Variants in TPR observed in about 807,000 individuals in gnomAD.
TPR encodes nucleoprotein TPR.
TPR carries 51 observed loss-of-function variants against 316.1 expected under a neutral mutation model. That is an observed-to-expected ratio of 0.16 (90% CI 0.13 to 0.20). The LOEUF is 0.20. Among genes scored for constraint, TPR ranks in the 10% least tolerant of loss-of-function variants. The pLI is 1.00. For synonymous variants in TPR, 981 were observed against 914.7 expected (o/e 1.07, Z -1.31); for missense variants, 2,272 against 2,754.8 (o/e 0.82, Z 3.92).
chr1:186,325,012 A>T (rs1657877256), intron 42 of TPR, among the ~76,000 whole-genome samples: 2 of 152,126 alleles, frequency 1.3e-5, no homozygotes, highest in Non-Finnish European at 2.9e-5. Flanking sequence ...AATATTCATT[A>T]ATGTATTTTT....
In TPR at chr1:186,323,656, ATTT is replaced by A; in HGVS notation, c.6297+27_6297+29del. 4 of 1,418,664 alleles carry A rather than the reference ATTT, an allele frequency of 2.8e-6. No homozygotes were observed. In the South Asian group the frequency reaches 6.9e-5, roughly 25 times the overall value. 87.9% of individuals were successfully genotyped at this position (1,418,664 alleles called of 1,614,324 possible). A position where few individuals can be genotyped will look rare whatever the true frequency, so the allele number is the denominator to read the frequency against. ...AAAAGCCAAGATTTTTTTCAAGTTC[ATTT>A]TTCATAATGACCAGTACTTTTAATA... On this transcript the variant is annotated intron_variant, in intron 43 of 50. Transcript: ENST00000367478.
chr1:186,363,479 T>C, intron 4 of TPR, 34 bp from the exon 5 acceptor site: 1 of 1,388,526 alleles, frequency 7.2e-7, no homozygotes, highest in Non-Finnish European at 1.0e-6. Context: ...AAATAATAAC[T>C]AATTAACACT....
At chr1:186,346,355 CAAATCA>C (rs1658676219) in intron 22 of TPR, 68 bp from the exon 23 acceptor site, 1 of 1,408,024 alleles carries the variant, frequency 7.1e-7, no homozygotes, top group African/African-American at 1.4e-5. Flanking sequence ...TTATTTTCTC[CAAATCA>C]AAACTAATTT....
chr1:186,355,091 G>C lies in TPR; in HGVS notation c.2171+319C>G, dbSNP rs1278055943. Reference sequence around the variant, plus strand: ...AGCTAATTTTTGTATTTTTAGTAGAGATGGGGTTTCACCATGGTGGCCAGG... The same window carrying C: ...AGCTAATTTTTGTATTTTTAGTAGACATGGGGTTTCACCATGGTGGCCAGG... On this transcript the variant is annotated intron_variant, in intron 17 of 50. Coordinates refer to ENST00000367478, the MANE Select transcript of TPR (RefSeq NM_003292.3). Among the ~76,000 whole-genome samples the C allele has an allele frequency of 2.0e-5, 3 of 152,148 alleles. No homozygotes were observed. The East Asian group carries it at 5.8e-4, about 29-fold the overall frequency.
intron 18 of TPR, 36 bp downstream of exon 18, chr1:186,353,652 T>C: frequency 6.3e-7 from 1 of 1,592,776 alleles, no homozygotes. Flanking sequence ...CAAATGCAAC[T>C]TATAATGCAA....
rs1246694097 is a variant in TPR at position 186,351,477 on chromosome 1, CAAAGA to C, written c.2470-12_2470-8del. 1.9e-6 allele frequency: 3 copies of C among 1,551,354 alleles called. No individual in the cohort carries two copies. Among genetic ancestry groups the C allele is most frequent in the South Asian group, 1.3e-5 (1 of 78,938 alleles). The stretch of plus-strand genomic sequence containing the variant: ...CAGATCGCTCCAGTATTCCCTAAAG[CAAAGA>C]AAAGATTTTTGGTTATGCTTAAGAA... On this transcript the variant is annotated splice_region_variant and splice_polypyrimidine_tract_variant and intron_variant, in intron 19 of 50. Transcript: ENST00000367478.
At chr1:186,334,568 C>T in intron 35 of TPR, 35 bp from the exon 36 acceptor site, 1 of 1,576,546 alleles carries the variant, frequency 6.3e-7, no homozygotes, top group African/African-American at 1.4e-5. Context: ...TAATTAATAA[C>T]AAATTATTAT....
Position 186,326,225 on chromosome 1 carries a change from T to C in TPR, c.5900A>G (p.Glu1967Gly), listed in dbSNP as rs1191933729. Residue 1967 changes from glutamate (E) to glycine (G), a missense_variant, in exon 41 of 51, where the codon GAG (glutamate) becomes GGG (glycine). Coordinates refer to ENST00000367478, the MANE Select transcript of TPR (RefSeq NM_003292.3). ...ENDGEHEDYE[E>G]DEEDDDDDED... Reference sequence around the variant, plus strand: ...ATCATCATCATCATCTTCCTCATCCTCTTCATAATCCTAGTAGAAAGTTCC... The same window carrying C: ...ATCATCATCATCATCTTCCTCATCCCCTTCATAATCCTAGTAGAAAGTTCC... The C allele has an allele frequency of 6.2e-7, 1 of 1,609,482 alleles. No individual in the cohort carries two copies. The highest frequency in any genetic ancestry group is 8.5e-7 in the Non-Finnish European group (1 of 1,177,648).
intron 30 of TPR, 28 bp downstream of exon 30, chr1:186,339,614 A>G (rs375843788): frequency 2.7e-6 from 4 of 1,492,344 alleles, no homozygotes; most frequent in South Asian, 2.8e-5. Context: ...TTTATATTAT[A>G]TATGATTTAA....
Position 186,352,117 on chromosome 1 carries a change from A to G in TPR, c.2335-7T>C, listed in dbSNP as rs748459281. ...TCAAATTTTCTGCTCTTACCTAAAC[A>G]TAAGTAGAAATGAAATAAAAAATGC... On this transcript the variant is annotated splice_polypyrimidine_tract_variant and splice_region_variant and intron_variant, in intron 18 of 50. Coordinates refer to ENST00000367478, the MANE Select transcript of TPR (RefSeq NM_003292.3). The G allele has an allele frequency of 1.6e-5, 25 of 1,582,334 alleles. No homozygotes were observed. Among genetic ancestry groups the G allele is most frequent in the Middle Eastern group, 3.4e-4 (2 of 5,932 alleles).
chr1:186,363,406 T>C lies in TPR; in HGVS notation c.467A>G (p.Asn156Ser), dbSNP rs779724865. ...KRLNEKLKES[N>S]TTKGELQLKL... ...TAACTGAAGTTCACCCTTTGTTGTA[T>C]TGCTTTCTTTAAGTTTTTCATTCAG... The change falls in exon 5 of 51, where the codon AAT (asparagine) becomes AGT (serine). Residue 156 changes from asparagine to serine, a missense_variant. Asn to Ser is a conservative substitution (Grantham distance 46). Transcript: ENST00000367478. 3.1e-6 allele frequency: 5 copies of C among 1,612,694 alleles called. No homozygotes were observed. Among genetic ancestry groups the C allele is most frequent in the East Asian group, 2.2e-5 (1 of 44,742 alleles).
At chr1:186,343,822 A>T (rs1334528092) in intron 26 of TPR, 84 bp downstream of exon 26, 2 of 1,195,252 alleles carry the variant, frequency 1.7e-6, no homozygotes, top group East Asian at 5.1e-5. Flanking sequence ...AATCGTGTAT[A>T]ATCTCCTTCT....
At chr1:186,315,579 C>T (rs1476364487) in intron 49 of TPR, among the ~76,000 whole-genome samples, 1 of 152,114 alleles carries the variant, frequency 6.6e-6, no homozygotes, top group South Asian at 2.1e-4. Flanking sequence ...CAAAGTTTCT[C>T]GTTTCTGTCC....
chr1:186,364,029 T>TG (rs1473198010), intron 4 of TPR, among the ~76,000 whole-genome samples: 1 of 152,198 alleles, frequency 6.6e-6, no homozygotes, highest in Non-Finnish European at 1.5e-5. Flanking sequence ...TGTGTGACTC[T>TG]ATTGTGAGCA....
At chr1:186,330,186 C>A (rs1178537113) in intron 39 of TPR, among the ~76,000 whole-genome samples, 1 of 152,076 alleles carries the variant, frequency 6.6e-6, no homozygotes, top group African/African-American at 2.4e-5. Context: ...ACAAAAGTTA[C>A]CCGTAGGTCA....
intron 11 of TPR, 124 bp from the exon 12 acceptor site, chr1:186,360,120 C>T: frequency 2.3e-6 from 3 of 1,301,350 alleles, no homozygotes; most frequent in Non-Finnish European, 3.2e-6. Context: ...ATGTTAGTTA[C>T]ACAGCACTAG....
rs774221434 is a variant in TPR at position 186,323,643 on chromosome 1, T to A, written c.6297+43A>T. Reference sequence around the variant, plus strand: ...AATGGAAAGGGAGAAAAGCCAAGATTTTTTTCAAGTTCATTTTTCATAATG... The same window carrying A: ...AATGGAAAGGGAGAAAAGCCAAGATATTTTTCAAGTTCATTTTTCATAATG... On this transcript the variant is annotated intron_variant, in intron 43 of 50. Coordinates refer to ENST00000367478, the MANE Select transcript of TPR (RefSeq NM_003292.3). The A allele has an allele frequency of 1.8e-5, 25 of 1,409,242 alleles. No homozygotes were observed. In the South Asian group the frequency reaches 4.0e-4, roughly 22 times the overall value. 87.3% of individuals were successfully genotyped at this position (1,409,242 alleles called of 1,614,324 possible).
intron 38 of TPR, among the ~76,000 whole-genome samples, chr1:186,331,932 G>C (rs1371288780): frequency 6.6e-6 from 1 of 152,026 alleles, no homozygotes; most frequent in Non-Finnish European, 1.5e-5. Flanking sequence ...TAGAAACTTC[G>C]AGATGAAATT....
chr1:186,371,970 T>C (rs115189395), intron 2 of TPR, among the ~76,000 whole-genome samples: 57 of 152,324 alleles, frequency 3.7e-4, no homozygotes, highest in African/African-American at 1.4e-3. Flanking sequence ...CAGTCATTTT[T>C]CTCAAATTCC....
Sources: gnomAD v4.1 joint callset for allele counts (sites outside exome capture counted in the v4.1 genomes callset) on GRCh38, gnomAD v4.1.1 for gene constraint, MANE v1.5 for transcripts, NCBI Gene and HGNC (gene_info 2026-07-23, HGNC 2026-07-21) for gene names.